The following SNTG1 variants were observed in gnomAD, a reference collection of about 807,000 sequenced individuals.
SNTG1 encodes gamma-1-syntrophin.
SNTG1 carries 39 observed loss-of-function variants against 74.7 expected under a neutral mutation model. The ratio of observed to expected loss-of-function variants is 0.52; its 90% confidence interval spans 0.40 to 0.68. The LOEUF (loss-of-function observed/expected upper bound fraction) is 0.68, where lower values mean the gene tolerates loss of function less well. Ranked by LOEUF, SNTG1 falls within the 30% of genes least tolerant of loss-of-function variation. SNTG1 has a pLI of 0.00. For synonymous variants in SNTG1, 254 were observed against 217.1 expected (o/e 1.17, Z -1.49); for missense variants, 685 against 609.5 (o/e 1.12, Z -1.30).
At chr8:49,975,860 A>G (rs1270131551) in intron 1 of SNTG1, among the ~76,000 whole-genome samples, 1 of 152,006 alleles carries the variant, frequency 6.6e-6, no homozygotes, top group Non-Finnish European at 1.5e-5. Context: ...GGGATTGAGA[A>G]TTTGTTAAAT....
intron 1 of SNTG1, among the ~76,000 whole-genome samples, chr8:50,091,143 A>T (rs1399803217): frequency 6.6e-6 from 1 of 152,094 alleles, no homozygotes; most frequent in African/African-American, 2.4e-5. Context: ...AGCAAGAGAA[A>T]ATGAGATTAT....
At chr8:50,282,248 T>G (rs1296178271) in intron 2 of SNTG1, among the ~76,000 whole-genome samples, 1 of 152,058 alleles carries the variant, frequency 6.6e-6, no homozygotes, top group Non-Finnish European at 1.5e-5. Flanking sequence ...ACACAGAAAA[T>G]TTCTGAGCCT....
intron 2 of SNTG1, among the ~76,000 whole-genome samples, chr8:50,391,296 G>A (rs960450754): frequency 6.6e-6 from 1 of 152,108 alleles, no homozygotes; most frequent in Non-Finnish European, 1.5e-5. Flanking sequence ...GTTGAATTTT[G>A]TCGAAGGTCT....
chr8:50,743,701 C>G (rs1393116746), intron 17 of SNTG1, among the ~76,000 whole-genome samples: 1 of 151,316 alleles, frequency 6.6e-6, no homozygotes, highest in Non-Finnish European at 1.5e-5. Context: ...TCTCTGCTCA[C>G]AGATGACATA....
At chr8:50,281,480 A>G (rs933140755) in intron 2 of SNTG1, among the ~76,000 whole-genome samples, 3 of 152,138 alleles carry the variant, frequency 2.0e-5, no homozygotes, top group Non-Finnish European at 4.4e-5. Context: ...TGAAGTTTTT[A>G]TCAATCTCTT....
At chr8:50,065,223 A>C (rs1820808240) in intron 1 of SNTG1, among the ~76,000 whole-genome samples, 1 of 152,218 alleles carries the variant, frequency 6.6e-6, no homozygotes, top group Non-Finnish European at 1.5e-5. Context: ...ATAGTTAATA[A>C]AATGTGATAC....
At chr8:50,483,309 A>AT (rs943256187) in intron 8 of SNTG1, among the ~76,000 whole-genome samples, 7 of 152,072 alleles carry the variant, frequency 4.6e-5, no homozygotes, top group South Asian at 2.1e-4. Flanking sequence ...GGATCTATGT[A>AT]TTTTTTTTCA....
intron 17 of SNTG1, 30 bp from the exon 18 acceptor site, chr8:50,751,971 G>T: frequency 7.5e-7 from 1 of 1,327,714 alleles, no homozygotes; most frequent in South Asian, 1.4e-5. Context: ...TAATTCCACC[G>T]ACTTACATTG....
chr8:50,088,872 C>A (rs1823180175), intron 1 of SNTG1, among the ~76,000 whole-genome samples: 1 of 148,930 alleles, frequency 6.7e-6, no homozygotes, highest in Admixed American at 6.8e-5. Context: ...ATCAGGCTAC[C>A]AATGACTTTC....
chr8:50,347,788 T>G (rs765869906), intron 2 of SNTG1, among the ~76,000 whole-genome samples: 2 of 152,326 alleles, frequency 1.3e-5, no homozygotes, highest in Admixed American at 1.3e-4. Flanking sequence ...ACGTTATGAG[T>G]CTTTCAAGGA....
At chr8:50,371,171 A>T (rs1291226563) in intron 2 of SNTG1, among the ~76,000 whole-genome samples, 1 of 152,160 alleles carries the variant, frequency 6.6e-6, no homozygotes, top group East Asian at 1.9e-4. Flanking sequence ...TTGGCCTACT[A>T]CTGGATCTCA....
At chr8:50,068,379 C>T (rs1417434469) in intron 1 of SNTG1, among the ~76,000 whole-genome samples, 3 of 152,140 alleles carry the variant, frequency 2.0e-5, no homozygotes, top group Non-Finnish European at 4.4e-5. Flanking sequence ...AGGAGTCAAA[C>T]CACAGTAGTC....
intron 2 of SNTG1, among the ~76,000 whole-genome samples, chr8:50,330,159 T>C (rs2090907651): frequency 6.6e-6 from 1 of 152,168 alleles, no homozygotes; most frequent in Admixed American, 6.5e-5. Flanking sequence ...GTGGTTACCC[T>C]CATGCTGTTC....
chr8:50,776,958 C>T (rs758534059), intron 18 of SNTG1, among the ~76,000 whole-genome samples: 1 of 151,734 alleles, frequency 6.6e-6, no homozygotes, highest in Non-Finnish European at 1.5e-5. Flanking sequence ...TGTCATTTGA[C>T]TTGTGTTCTC....
At chr8:50,305,667 C>CT (rs1266933434) in intron 2 of SNTG1, among the ~76,000 whole-genome samples, 2 of 150,958 alleles carry the variant, frequency 1.3e-5, no homozygotes, top group Admixed American at 6.6e-5. Context: ...TTGTCTGTTA[C>CT]TTTTTTTAAT....
chr8:50,219,188 T>C (rs2084938774), intron 2 of SNTG1, among the ~76,000 whole-genome samples: 1 of 152,190 alleles, frequency 6.6e-6, no homozygotes, highest in African/African-American at 2.4e-5. Context: ...ACAAGGCATC[T>C]TTTAGACTAG....
intron 4 of SNTG1, among the ~76,000 whole-genome samples, chr8:50,422,030 A>T (rs2093094292): frequency 6.6e-6 from 1 of 152,120 alleles, no homozygotes; most frequent in Non-Finnish European, 1.5e-5. Flanking sequence ...TCAGACTTTT[A>T]AAAATGTCAC....
At chr8:50,049,209 T>C (rs1819357428) in intron 1 of SNTG1, among the ~76,000 whole-genome samples, 1 of 152,066 alleles carries the variant, frequency 6.6e-6, no homozygotes, top group Non-Finnish European at 1.5e-5. Context: ...AAATACGTCA[T>C]TTAAAAGACA....
chr8:50,082,369 G>A lies in SNTG1; in HGVS notation c.-102-90192G>A, dbSNP rs113113186. 7.9e-5 allele frequency among the ~76,000 whole-genome samples: 12 copies of A among 152,210 alleles called. 1 individual carries two copies. Among genetic ancestry groups the A allele is most frequent in the African/African-American group, 2.4e-4 (10 of 41,530 alleles). On this transcript the variant is annotated intron_variant, in intron 1 of 18. Coordinates refer to ENST00000642720, the MANE Select transcript of SNTG1 (RefSeq NM_018967.5). The stretch of plus-strand genomic sequence containing the variant: ...AATGAGCATTTTGATAATGTATGTT[G>A]TAATTCTAGATTCTGACTTTTCCAC...
Sources: gnomAD v4.1 joint callset for allele counts (sites outside exome capture counted in the v4.1 genomes callset) on GRCh38, gnomAD v4.1.1 for gene constraint, MANE v1.5 for transcripts, NCBI Gene and HGNC (gene_info 2026-07-23, HGNC 2026-07-21) for gene names.